ATIC: variants seen among roughly 807,000 people sequenced by gnomAD.
The protein encoded by ATIC is 5-aminoimidazole-4-carboxamide ribonucleotide formyltransferase/IMP cyclohydrolase, also known as bifunctional purine biosynthesis protein ATIC.
Under a neutral mutation model 72.5 loss-of-function variants are expected in ATIC, and 64 were observed. That is an observed-to-expected ratio of 0.88 (90% CI 0.72 to 1.09). The LOEUF is 1.09. Ranked by LOEUF, ATIC falls within the 50% of genes least tolerant of loss-of-function variation. ATIC has a pLI of 0.00. For missense variants in ATIC, 787 were observed against 732.4 expected (o/e 1.07, Z -0.86); for synonymous variants, 281 against 267.1 (o/e 1.05, Z -0.51).
chr2:215,317,462 C>T (rs1559266198), intron 2 of ATIC, among the ~76,000 whole-genome samples: 2 of 151,896 alleles, frequency 1.3e-5, no homozygotes, highest in African/African-American at 4.9e-5. Context: ...TGTCTTCACT[C>T]ACTTGATATG....
chr2:215,343,807 AT>A (rs2106038012), intron 12 of ATIC, among the ~76,000 whole-genome samples: 1 of 152,354 alleles, frequency 6.6e-6, no homozygotes, highest in South Asian at 2.1e-4. Context: ...TTATCAACTT[AT>A]CTGTTGGCTG....
chr2:215,339,177 G>A (rs2052989831), intron 12 of ATIC, among the ~76,000 whole-genome samples: 1 of 152,176 alleles, frequency 6.6e-6, no homozygotes. Flanking sequence ...TCTGACTCCT[G>A]TAACTTGGCT....
chr2:215,361,514 G>A, the ATIC span: 1 of 1,351,774 alleles, frequency 7.4e-7, no homozygotes, highest in Middle Eastern at 1.8e-4. Flanking sequence ...GATGGATCTT[G>A]GCAGAGAGAC....
chr2:215,328,739 TAG>T (rs2052857563), intron 7 of ATIC, among the ~76,000 whole-genome samples: 4 of 148,438 alleles, frequency 2.7e-5, no homozygotes, highest in African/African-American at 1.0e-4. Context: ...TTTTTTGAGA[TAG>T]AGTTTCACTC....
intron 4 of ATIC, among the ~76,000 whole-genome samples, chr2:215,324,321 T>C (rs1454952215): frequency 6.6e-6 from 1 of 152,270 alleles, no homozygotes; most frequent in East Asian, 1.9e-4. Flanking sequence ...TTTAATTTGC[T>C]GAGTGTTTCT....
At chr2:215,343,283 G>A (rs1368228228) in intron 12 of ATIC, among the ~76,000 whole-genome samples, 6 of 151,734 alleles carry the variant, frequency 4.0e-5, no homozygotes, top group Non-Finnish European at 8.8e-5. Context: ...ATCCTTTTTG[G>A]TGAAAATGTC....
chr2:215,313,664 T>G (rs762774603), intron 2 of ATIC, among the ~76,000 whole-genome samples: 1 of 152,220 alleles, frequency 6.6e-6, no homozygotes, highest in Non-Finnish European at 1.5e-5. Flanking sequence ...TCTAGATCCA[T>G]GTAGAGGTAG....
At chr2:215,335,938 C>G (rs1321015481) in intron 10 of ATIC, 97 bp from the exon 11 acceptor site, 1 of 946,440 alleles carries the variant, frequency 1.1e-6, no homozygotes, top group Non-Finnish European at 1.6e-6. Context: ...CCAGAATATG[C>G]TGCCACATTA....
rs551314513 is a variant in ATIC, at chr2:215,344,041, CTG to C, written c.1228-733_1228-732del. On this transcript the variant is annotated intron_variant, in intron 12 of 15. Coordinates refer to ENST00000236959, the MANE Select transcript of ATIC (RefSeq NM_004044.7). ...TTGATTTTTCCAAAGTCTTGGCTGTCTGTGTGCATCATAACGATTTGTGATGT... is the reference window on the plus strand; with the variant it reads ...TTGATTTTTCCAAAGTCTTGGCTGTCTGTGCATCATAACGATTTGTGATGT... Among the ~76,000 whole-genome samples the C allele has an allele frequency of 1.3e-3, 192 of 152,314 alleles. 1 individual carries two copies. The highest frequency in any genetic ancestry group is 1.9e-3 in the Non-Finnish European group (130 of 68,022).
intron 4 of ATIC, among the ~76,000 whole-genome samples, chr2:215,321,082 A>G (rs1237936768): frequency 6.6e-6 from 1 of 152,206 alleles, no homozygotes; most frequent in Non-Finnish European, 1.5e-5. Flanking sequence ...CACATCCAAT[A>G]TTAAAACATA....
At chr2:215,342,005 A>T (rs975072200) in intron 12 of ATIC, among the ~76,000 whole-genome samples, 3 of 151,398 alleles carry the variant, frequency 2.0e-5, no homozygotes, top group Non-Finnish European at 2.9e-5. Flanking sequence ...GAGAAATGCC[A>T]GACGCTTACT....
intron 2 of ATIC, among the ~76,000 whole-genome samples, chr2:215,314,746 C>T (rs143293667): frequency 0.017 from 2,606 of 152,100 alleles, 47 homozygotes; most frequent in Middle Eastern, 0.031. Flanking sequence ...AGTGATCGCC[C>T]GCCTTGGCCT....
intron 10 of ATIC, among the ~76,000 whole-genome samples, chr2:215,335,405 T>A (rs1325330462): frequency 1.3e-5 from 2 of 152,176 alleles, no homozygotes; most frequent in Non-Finnish European, 2.9e-5. Context: ...ACCAAACAGG[T>A]ATTCCAGACA....
chr2:215,357,883 C>T, the ATIC span, among the ~76,000 whole-genome samples: 6 of 151,606 alleles, frequency 4.0e-5, no homozygotes, highest in African/African-American at 1.2e-4. Context: ...AATTGTCTCC[C>T]TTGAAAATGG....
At chr2:215,318,343 T>A in intron 3 of ATIC, 110 bp downstream of exon 3, 1 of 1,059,584 alleles carries the variant, frequency 9.4e-7, no homozygotes, top group East Asian at 2.4e-5. Flanking sequence ...AATTTACATA[T>A]AAAGTTAATG....
At chr2:215,358,712 C>T in the ATIC span, among the ~76,000 whole-genome samples, 1 of 152,150 alleles carries the variant, frequency 6.6e-6, no homozygotes. Flanking sequence ...TCGTTTACTT[C>T]ATAAATTTAA....
chr2:215,321,150 C>T (rs1222712932), intron 4 of ATIC, among the ~76,000 whole-genome samples: 3 of 152,228 alleles, frequency 2.0e-5, no homozygotes, highest in Non-Finnish European at 4.4e-5. Context: ...ATTTCCCCAA[C>T]GTCCTCCAGC....
chr2:215,347,221 T>A (rs1323035227), intron 14 of ATIC: 2 of 439,780 alleles, frequency 4.5e-6, no homozygotes, highest in Admixed American at 7.0e-5. Context: ...CCCCTGTTGA[T>A]TATAAGCTTT....
intron 1 of ATIC, 150 bp from the exon 2 acceptor site, chr2:215,312,348 G>A (rs1050758060): frequency 2.0e-6 from 3 of 1,521,128 alleles, no homozygotes; most frequent in African/African-American, 2.7e-5. Context: ...GCGGGTGTAA[G>A]ACCTGGGGAG....
Sources: allele counts gnomAD v4.1 joint callset (sites outside exome capture counted in the v4.1 genomes callset), GRCh38; gene constraint gnomAD v4.1.1; transcripts MANE v1.5; gene names NCBI Gene and HGNC (gene_info 2026-07-23, HGNC 2026-07-21).